Variants in HSPA12B observed in about 807,000 individuals in gnomAD.
HSPA12B encodes the protein heat shock protein family A (Hsp70) member 12B.
In HSPA12B, 54 loss-of-function variants were observed where a neutral mutation model predicts 69.3. The ratio of observed to expected loss-of-function variants is 0.78; its 90% confidence interval spans 0.63 to 0.98. The LOEUF is 0.98. HSPA12B is among the 50% of genes least tolerant of loss of function. The pLI is 0.00. For missense variants in HSPA12B, 929 were observed against 999.8 expected (o/e 0.93, Z 0.96); for synonymous variants, 441 against 436.5 (o/e 1.01, Z -0.13).
intron 11 of HSPA12B, chr20:3,750,537 G>T (rs1469649943): frequency 7.4e-6 from 3 of 406,972 alleles, no homozygotes; most frequent in Non-Finnish European, 1.0e-5. Flanking sequence ...CATGCTCCTC[G>T]GTTTCCCTGC....
At chr20:3,736,344 G>C (rs1035266399) in intron 1 of HSPA12B, among the ~76,000 whole-genome samples, 2 of 152,212 alleles carry the variant, frequency 1.3e-5, no homozygotes, top group African/African-American at 4.8e-5. Context: ...AACTCCAATG[G>C]TACAGAGGAC....
rs148249749 is a variant in HSPA12B, at chr20:3,750,882, C to T, written c.1380C>T (p.Thr460=). The stretch of plus-strand genomic sequence containing the variant: ...CCATGAACGAGCTCTTTCAGCCCAC[C>T]GTCAGCGGGATCATCCAGCACATAG... ...CEAMNELFQP[T]VSGIIQHIEA... Residue 460 remains threonine, a synonymous_variant, in exon 12 of 13, where the codon ACC becomes ACT. Coordinates refer to ENST00000254963, the MANE Select transcript of HSPA12B (RefSeq NM_052970.5). 1 of 1,613,986 alleles carries T rather than the reference C, an allele frequency of 6.2e-7. No homozygotes were observed. The highest frequency in any genetic ancestry group is 2.2e-5 in the East Asian group (1 of 44,884).
At chr20:3,743,686 G>A (rs142911484) in intron 4 of HSPA12B, among the ~76,000 whole-genome samples, 3 of 152,226 alleles carry the variant, frequency 2.0e-5, no homozygotes, top group African/African-American at 7.2e-5. Flanking sequence ...GTACAGATGT[G>A]TCATAATTTA....
rs984372779 is a variant in HSPA12B, at chr20:3,740,309, T to C, written c.44-506T>C. Among the ~76,000 whole-genome samples, 1 of 152,138 alleles carries C rather than the reference T, an allele frequency of 6.6e-6. No individual in the cohort carries two copies. The stretch of plus-strand genomic sequence containing the variant: ...CTGTGGCCCTTGTGGGCATGGGAGC[T>C]GCAGAGTTCCCTCAAGTCCTGATTA... On this transcript the variant is annotated intron_variant, in intron 2 of 12. Coordinates refer to ENST00000254963, the MANE Select transcript of HSPA12B (RefSeq NM_052970.5). This position sits in a 1 kb window ranked among gnomAD's most constrained non-coding sequence, Gnocchi z 4.9.
Position 3,749,226 on chromosome 20 carries a change from C to T in HSPA12B, c.851-6C>T. The T allele has an allele frequency of 1.9e-6, 3 of 1,611,676 alleles. No homozygotes were observed. The highest frequency in any genetic ancestry group is 2.5e-6 in the Non-Finnish European group (3 of 1,178,994). On this transcript the variant is annotated splice_region_variant and splice_polypyrimidine_tract_variant and intron_variant, in intron 8 of 12. Transcript: ENST00000254963. The surrounding 1 kb of genome is among the most constrained non-coding windows in gnomAD (Gnocchi z 5.5). Reference sequence around the variant, plus strand: ...ATCTCACTCCCTGCTGTCTCCTGACCCCCAGCTCGGGAGCAGCTGCGAAGG... The same window carrying T: ...ATCTCACTCCCTGCTGTCTCCTGACTCCCAGCTCGGGAGCAGCTGCGAAGG...
chr20:3,733,322 G>A (rs1003747124), intron 1 of HSPA12B, among the ~76,000 whole-genome samples: 1 of 152,170 alleles, frequency 6.6e-6, no homozygotes, highest in Non-Finnish European at 1.5e-5. Context: ...TCCCGCTAGG[G>A]CAGTGGAGCC....
At chr20:3,748,416 C>T (rs1396695846) in intron 8 of HSPA12B, 25 bp downstream of exon 8, 1 of 1,552,300 alleles carries the variant, frequency 6.4e-7, no homozygotes. Context: ...GGGACACCAC[C>T]CACCCCTGGA....
At chr20:3,751,100 G>T (rs528748448) in intron 12 of HSPA12B, 193 bp downstream of exon 12, 3 of 511,014 alleles carry the variant, frequency 5.9e-6, no homozygotes, top group South Asian at 8.4e-5. Context: ...TCTTGCCAAG[G>T]CAAAAAACTT....
chr20:3,749,329 A>T lies in HSPA12B; in HGVS notation c.937+11A>T. ...CAGAGATGCAAGCAGGTAGGGGGAA[A>T]GGGGGACGGAGTGTTATCCTTGGCC... is the stretch of plus-strand genomic sequence containing the variant. On this transcript the variant is annotated intron_variant, in intron 9 of 12. Coordinates refer to ENST00000254963, the MANE Select transcript of HSPA12B (RefSeq NM_052970.5). This position sits in a 1 kb window ranked among gnomAD's most constrained non-coding sequence, Gnocchi z 5.5. 6.2e-7 allele frequency: 1 copy of T among 1,610,318 alleles called. No individual in the cohort carries two copies. Among genetic ancestry groups the T allele is most frequent in the Non-Finnish European group, 8.5e-7 (1 of 1,177,530 alleles).
intron 4 of HSPA12B, among the ~76,000 whole-genome samples, chr20:3,743,660 G>A (rs1278988990): frequency 1.3e-5 from 2 of 151,982 alleles, no homozygotes; most frequent in Non-Finnish European, 2.9e-5. Flanking sequence ...TTCTTTGAAC[G>A]GCCTAGTATT....
Position 3,750,218 on chromosome 20 carries a change from G to A in HSPA12B, c.1292G>A (p.Arg431His). 4 of 1,598,400 alleles carry A rather than the reference G, an allele frequency of 2.5e-6. No homozygotes were observed. Among genetic ancestry groups the A allele is most frequent in the Non-Finnish European group, 3.4e-6 (4 of 1,169,158 alleles). The stretch of plus-strand genomic sequence containing the variant: ...GGCCACAACGTGGAGACCGCTCTGC[G>A]CAGGAGCAGGTGGGTCCTGAGCCCG... ...QRGHNVETAL[R>H]RSSVNFVKWS... Residue 431 changes from arginine to histidine, a missense_variant, in exon 11 of 13, where the codon CGC (arginine) becomes CAC (histidine). By Grantham distance (29) the Arg-to-His change is conservative. Transcript: ENST00000254963.
chr20:3,736,470 G>T (rs2088109951), intron 1 of HSPA12B, among the ~76,000 whole-genome samples: 3 of 152,246 alleles, frequency 2.0e-5, no homozygotes, highest in African/African-American at 7.2e-5. Context: ...TGTGAACTGT[G>T]TGAGCAAGGG....
At chr20:3,743,487 A>T (rs1417606538) in intron 4 of HSPA12B, among the ~76,000 whole-genome samples, 1 of 152,140 alleles carries the variant, frequency 6.6e-6, no homozygotes, top group Non-Finnish European at 1.5e-5. Context: ...GTGAGCCACC[A>T]TGCCCAGCCC....
rs1005938711 is a variant in HSPA12B at position 3,740,500 on chromosome 20, C to G, written c.44-315C>G. ...CCCTTCCATCTCTGGACTGAGTCTC[C>G]CTGCCACACAATGCTTTTCTGTCTC... On this transcript the variant is annotated intron_variant, in intron 2 of 12. Transcript: ENST00000254963. This position sits in a 1 kb window ranked among gnomAD's most constrained non-coding sequence, Gnocchi z 4.9. Among the ~76,000 whole-genome samples, 1 of 152,188 alleles carries G rather than the reference C, an allele frequency of 6.6e-6. No homozygotes were observed. The highest frequency in any genetic ancestry group is 6.5e-5 in the Admixed American group (1 of 15,286).
chr20:3,735,216 G>GTTATGCATA (rs1217444917), intron 1 of HSPA12B, among the ~76,000 whole-genome samples: 1 of 152,152 alleles, frequency 6.6e-6, no homozygotes, highest in East Asian at 1.9e-4. Context: ...TGCATATCTG[G>GTTATGCATA]ACTTGTTAAC....
rs753288533 is a variant in HSPA12B at position 3,752,110 on chromosome 20, G to A, written c.2005G>A (p.Val669Ile). 13 of 1,506,496 alleles carry A rather than the reference G, an allele frequency of 8.6e-6. No homozygotes were observed. Among genetic ancestry groups the A allele is most frequent in the Admixed American group, 4.3e-5 (2 of 46,296 alleles). 93.3% of individuals were successfully genotyped at this position (1,506,496 alleles called of 1,614,324 possible). A position where few individuals can be genotyped will look rare whatever the true frequency, so the allele number is the denominator to read the frequency against. The change falls in exon 13 of 13, where the codon GTC becomes ATC. Residue 669 changes from valine (V) to isoleucine (I), a missense_variant. Val to Ile is a conservative substitution (Grantham distance 29). This residue lies in a region of HSPA12B where 448 missense variants were observed against 448.1 expected (regional missense o/e 1.00). Coordinates refer to ENST00000254963, the MANE Select transcript of HSPA12B (RefSeq NM_052970.5). The part of the protein sequence containing the change: ...FGDTEIKVTA[V>I]DVSTNRSVRA... ...CGACACCGAAATTAAGGTCACCGCC[G>A]TCGACGTCAGCACCAATCGCTCCGT...
In HSPA12B at chr20:3,751,590, G is replaced by A; in HGVS notation, c.1485G>A (p.Leu495=). The A allele has an allele frequency of 2.0e-6, 3 of 1,520,054 alleles. No individual in the cohort carries two copies. The highest frequency in any genetic ancestry group is 1.7e-4 in the Middle Eastern group (1 of 5,850). 94.2% of individuals were successfully genotyped at this position (1,520,054 alleles called of 1,614,324 possible). A position where few individuals can be genotyped will look rare whatever the true frequency, so the allele number is the denominator to read the frequency against. ...GCGGCTTCGCCGAGTCAGCGGTGCT[G>A]CAGCACGCGGTGCAGGCGGCGCTGG... The part of the protein sequence containing the change: ...LVGGFAESAV[L]QHAVQAALGA... The change falls in exon 13 of 13, where the codon CTG becomes CTA. Residue 495 remains leucine (L), a synonymous_variant. Coordinates refer to ENST00000254963, the MANE Select transcript of HSPA12B (RefSeq NM_052970.5).
chr20:3,751,253 A>G, intron 12 of HSPA12B: 1 of 985,450 alleles, frequency 1.0e-6, no homozygotes, highest in Non-Finnish European at 1.2e-6. Context: ...TACGTGTAAA[A>G]TGCATATCCT....
Position 3,752,103 on chromosome 20 carries a change from C to A in HSPA12B, c.1998C>A (p.Val666=). 1 of 1,511,164 alleles carries A rather than the reference C, an allele frequency of 6.6e-7. No homozygotes were observed. 93.6% of individuals were successfully genotyped at this position (1,511,164 alleles called of 1,614,324 possible). The change falls in exon 13 of 13, where the codon GTC becomes GTA. Residue 666 remains valine (V), a synonymous_variant. Transcript: ENST00000254963. ...AMQFGDTEIK[V]TAVDVSTNRS... is the part of the protein sequence containing the mutation. Reference sequence around the variant, plus strand: ...AGTTTGGCGACACCGAAATTAAGGTCACCGCCGTCGACGTCAGCACCAATC... The same window carrying A: ...AGTTTGGCGACACCGAAATTAAGGTAACCGCCGTCGACGTCAGCACCAATC...
Sources: allele counts gnomAD v4.1 joint callset (sites outside exome capture counted in the v4.1 genomes callset), GRCh38; gene constraint gnomAD v4.1.1; regional missense constraint gnomAD v4.1.1; non-coding constraint Gnocchi (gnomAD v3.1); transcripts MANE v1.5; gene names NCBI Gene and HGNC (gene_info 2026-07-23, HGNC 2026-07-21).